USP49: variants seen among roughly 807,000 people sequenced by gnomAD.
USP49 encodes the protein ubiquitin specific peptidase 49.
A neutral mutation model predicts 58.6 loss-of-function variants in USP49; 24 were observed. The ratio of observed to expected loss-of-function variants is 0.41; its 90% CI spans 0.30 to 0.58. The LOEUF is 0.58. Among genes scored for constraint, USP49 ranks in the 20% least tolerant of loss-of-function variants. The pLI is 0.30. For missense variants in USP49, 703 were observed against 866.1 expected, an observed-to-expected ratio of 0.81 and a Z score of 2.36; for synonymous variants, 408 against 365.1, an observed-to-expected ratio of 1.12 and a Z score of -1.34.
In USP49 at chr6:41,792,730, T is replaced by C. The variant is rs1772818780; in HGVS notation, c.*3803A>G. On this transcript the variant is annotated 3_prime_UTR_variant, in exon 8 of 8. Coordinates refer to ENST00000682992, the MANE Select transcript of USP49 (RefSeq NM_001286554.2). ...CACACACAAGAGACATGAAATGCTT[T>C]TTAAAAGTCTGTGATACCAGATGTC... 6.6e-6 allele frequency: 1 copy of C among 152,250 alleles called. No homozygotes were observed. Among genetic ancestry groups the C allele is most frequent in the Non-Finnish European group, 1.5e-5 (1 of 68,048 alleles). 9.4% of individuals were successfully genotyped at this position (152,250 alleles called of 1,614,324 possible).
At chr6:41,813,999 A>C (rs1309779137) in intron 3 of USP49, among the ~76,000 whole-genome samples, 1 of 152,190 alleles carries the variant, frequency 6.6e-6, no homozygotes, top group Admixed American at 6.5e-5. Context: ...TATTTTTCTG[A>C]TGTGTACAGG....
intron 4 of USP49, among the ~76,000 whole-genome samples, chr6:41,804,819 G>A (rs1354324899): frequency 6.6e-6 from 1 of 152,154 alleles, no homozygotes; most frequent in East Asian, 1.9e-4. Flanking sequence ...CACAATCTCG[G>A]CTCACCGCAA....
chr6:41,822,949 G>A (rs1470295035), intron 3 of USP49, among the ~76,000 whole-genome samples: 1 of 152,094 alleles, frequency 6.6e-6, no homozygotes, highest in East Asian at 1.9e-4. Flanking sequence ...AAGCTACAAA[G>A]AGATCATTCA....
intron 2 of USP49, among the ~76,000 whole-genome samples, chr6:41,888,048 C>CT (rs35468035): frequency 0.046 from 3,939 of 85,538 alleles, 179 homozygotes; most frequent in African/African-American, 0.051. Flanking sequence ...TCACAATCAG[C>CT]TTTTTTTTTT....
chr6:41,833,700 T>C (rs1582010157), intron 3 of USP49, among the ~76,000 whole-genome samples: 1 of 152,318 alleles, frequency 6.6e-6, no homozygotes, highest in Middle Eastern at 3.4e-3. Flanking sequence ...AAGGCAAAGG[T>C]GGACAAGATT....
rs139364374 is a variant in USP49 at position 41,880,451 on chromosome 6, G to C, written c.-102-8814C>G. Reference sequence around the variant, plus strand: ...ATTGAAAAGGCCCTCCAAGCGTCCAGCATAACAGACAAAACAAGGCCTAGA... The same window carrying C: ...ATTGAAAAGGCCCTCCAAGCGTCCACCATAACAGACAAAACAAGGCCTAGA... On this transcript the variant is annotated intron_variant, in intron 2 of 7. Transcript: ENST00000682992. Among the ~76,000 whole-genome samples, 238 of 152,210 alleles carry C rather than the reference G, an allele frequency of 1.6e-3. 1 individual carries two copies. Among genetic ancestry groups the C allele is most frequent in the South Asian group, 9.5e-3 (46 of 4,818 alleles).
chr6:41,879,280 G>A (rs1357218661), intron 2 of USP49, among the ~76,000 whole-genome samples: 1 of 152,174 alleles, frequency 6.6e-6, no homozygotes, highest in East Asian at 1.9e-4. Flanking sequence ...CCAGGCTGGA[G>A]TGCAGTGGCG....
At chr6:41,866,173 G>A (rs1774316016) in intron 3 of USP49, among the ~76,000 whole-genome samples, 1 of 151,798 alleles carries the variant, frequency 6.6e-6, no homozygotes, top group Non-Finnish European at 1.5e-5. Flanking sequence ...GCCCACCTCG[G>A]CCTCCCAAAG....
intron 3 of USP49, among the ~76,000 whole-genome samples, chr6:41,831,077 T>G (rs1444550219): frequency 2.0e-5 from 3 of 152,022 alleles, no homozygotes; most frequent in African/African-American, 7.2e-5. Context: ...GCTAACATGG[T>G]GAAACCCCGT....
intron 3 of USP49, among the ~76,000 whole-genome samples, chr6:41,858,407 TTCC>T (rs1210809179): frequency 6.6e-6 from 1 of 152,156 alleles, no homozygotes; most frequent in Non-Finnish European, 1.5e-5. Flanking sequence ...TCAAGATTCC[TTCC>T]TCCTTCACCA....
chr6:41,857,839 CAT>C (rs1774156923), intron 3 of USP49, among the ~76,000 whole-genome samples: 1 of 152,214 alleles, frequency 6.6e-6, no homozygotes, highest in African/African-American at 2.4e-5. Flanking sequence ...TGCATACTTA[CAT>C]AGTTCATCAG....
chr6:41,869,854 G>A (rs2127358697), intron 3 of USP49: 1 of 152,274 alleles, frequency 6.6e-6, no homozygotes, highest in Middle Eastern at 3.4e-3. Flanking sequence ...TTACAGGCAA[G>A]ATGAACCTAT....
Position 41,790,529 on chromosome 6 carries a change from C to T in USP49, c.*6004G>A, listed in dbSNP as rs1027155112. 6.6e-6 allele frequency: 1 copy of T among 151,992 alleles called. No individual in the cohort carries two copies. Among genetic ancestry groups the T allele is most frequent in the Non-Finnish European group, 1.5e-5 (1 of 67,976 alleles). The allele number at this position is 151,992 out of a possible 1,614,324, so 9.4% of individuals were successfully genotyped here. On this transcript the variant is annotated 3_prime_UTR_variant, in exon 8 of 8. Transcript: ENST00000682992. ...AGTTTACTAGGCATTAAAAAAAATA[C>T]TGCTTTTATGTGCCAAGTCTCTTAT...
At chr6:41,854,469 C>T (rs1026046279) in intron 3 of USP49, among the ~76,000 whole-genome samples, 1 of 152,068 alleles carries the variant, frequency 6.6e-6, no homozygotes, top group Non-Finnish European at 1.5e-5. Flanking sequence ...ATCTACCAGT[C>T]GAGATGAATG....
At position 41,801,021 on chromosome 6, in the gene USP49, C is replaced by T. The variant is rs1772987616; in HGVS notation, c.1562-1083G>A. ...GTGGGGGAAATGCATTTCTCGAAGT[C>T]CTGGCTTCAAGCAGTCCTCCCACCT... On this transcript the variant is annotated intron_variant, in intron 5 of 7. Coordinates refer to ENST00000682992, the MANE Select transcript of USP49 (RefSeq NM_001286554.2). Among the ~76,000 whole-genome samples the T allele has an allele frequency of 2.0e-5, 3 of 152,212 alleles. No homozygotes were observed. In the South Asian group the frequency reaches 6.2e-4, roughly 32 times the overall value.
intron 3 of USP49, among the ~76,000 whole-genome samples, chr6:41,822,846 C>T (rs948046968): frequency 4.0e-5 from 6 of 151,350 alleles, no homozygotes; most frequent in Non-Finnish European, 8.8e-5. Flanking sequence ...CTTTTAAGTA[C>T]TTGGTTTCAA....
rs1772805297 is a variant in USP49 at position 41,791,986 on chromosome 6, G to A, written c.*4547C>T. ...TTATTTAGTTCAGTAATGAGGCTGA[G>A]GGACCCAATTTTCAAGTGTGCATTT... On this transcript the variant is annotated 3_prime_UTR_variant, in exon 8 of 8. Coordinates refer to ENST00000682992, the MANE Select transcript of USP49 (RefSeq NM_001286554.2). 6.6e-6 allele frequency: 1 copy of A among 152,202 alleles called. No individual in the cohort carries two copies. The highest frequency in any genetic ancestry group is 1.5e-5 in the Non-Finnish European group (1 of 68,034). The allele number at this position is 152,202 out of a possible 1,614,324, so 9.4% of individuals were successfully genotyped here. A position where few individuals can be genotyped will look rare whatever the true frequency, so the allele number is the denominator to read the frequency against.
intron 5 of USP49, among the ~76,000 whole-genome samples, chr6:41,802,414 TTTATTTTA>T (rs1561902512): frequency 0.013 from 1,660 of 129,136 alleles, 55 homozygotes; most frequent in African/African-American, 0.044. Flanking sequence ...TATTTTTTAT[TTTATTTTA>T]TTTTATTTTA....
At chr6:41,836,445 T>G (rs946120023) in intron 3 of USP49, among the ~76,000 whole-genome samples, 2 of 152,134 alleles carry the variant, frequency 1.3e-5, no homozygotes, top group African/African-American at 4.8e-5. Flanking sequence ...AGAAGCATTC[T>G]ACCTGAGAAC....
Sources: allele counts gnomAD v4.1 joint callset (sites outside exome capture counted in the v4.1 genomes callset), GRCh38; gene constraint gnomAD v4.1.1; transcripts MANE v1.5; gene names NCBI Gene and HGNC (gene_info 2026-07-23, HGNC 2026-07-21).